Variants in AMBRA1 observed in about 807,000 individuals in gnomAD.
AMBRA1 encodes activating molecule in BECN1-regulated autophagy protein 1.
AMBRA1 carries 47 observed loss-of-function variants against 125.4 expected under a neutral mutation model. The ratio of observed to expected loss-of-function variants is 0.37; its 90% CI spans 0.30 to 0.48. The LOEUF (loss-of-function observed/expected upper bound fraction) is 0.48. Among genes scored for constraint, AMBRA1 ranks in the 20% least tolerant of loss-of-function variants. The pLI is 0.99. For missense variants in AMBRA1, 1,331 were observed against 1,693.4 expected (o/e 0.79, Z 3.76); for synonymous variants, 626 against 655.5 (o/e 0.95, Z 0.69).
intron 11 of AMBRA1, among the ~76,000 whole-genome samples, chr11:46,454,614 G>C (rs1403888689): frequency 4.0e-5 from 6 of 150,922 alleles, no homozygotes; most frequent in Non-Finnish European, 3.0e-5. Context: ...CTCCGGGCGA[G>C]GTGGCGGGCG....
At chr11:46,562,866 T>C (rs1424242704) in intron 1 of AMBRA1, among the ~76,000 whole-genome samples, 1 of 151,900 alleles carries the variant, frequency 6.6e-6, no homozygotes, top group East Asian at 1.9e-4. Flanking sequence ...AATGGCATGA[T>C]CTCGACTCAC....
chr11:46,482,182 T>C (rs1007610734), intron 11 of AMBRA1, among the ~76,000 whole-genome samples: 3 of 152,218 alleles, frequency 2.0e-5, no homozygotes, highest in Non-Finnish European at 2.9e-5. Flanking sequence ...TACTACTTCA[T>C]GGCCAAATCT....
At chr11:46,404,066 C>T (rs550562764) in intron 17 of AMBRA1, among the ~76,000 whole-genome samples, 48 of 152,174 alleles carry the variant, frequency 3.2e-4, no homozygotes, top group African/African-American at 1.0e-3. Context: ...ATTAGCCAGG[C>T]GTGGTGGCGT....
intron 11 of AMBRA1, among the ~76,000 whole-genome samples, chr11:46,492,226 A>C (rs527541241): frequency 6.6e-6 from 1 of 152,192 alleles, no homozygotes; most frequent in Non-Finnish European, 1.5e-5. Flanking sequence ...GAGCCTATGA[A>C]GTCCTGGTGT....
chr11:46,433,509 G>T lies in AMBRA1; in HGVS notation c.2941C>A (p.Leu981Met). 6.2e-7 allele frequency: 1 copy of T among 1,614,200 alleles called. No homozygotes were observed. Among genetic ancestry groups the T allele is most frequent in the Non-Finnish European group, 8.5e-7 (1 of 1,180,012 alleles). ...TEHMVAQVFRLQQAHGGETSM... is the reference protein window; with the variant it reads ...TEHMVAQVFRMQQAHGGETSM... ...GTCTCTCCACCATGGGCCTGTTGCA[G>T]CCTGAAGACCTGGGCCACCATGTGC... is the stretch of plus-strand genomic sequence containing the variant. The change falls in exon 14 of 18, where the codon CTG (leucine) becomes ATG (methionine). Residue 981 changes from leucine to methionine, a missense_variant. This residue lies in a region of AMBRA1 where 354 missense variants were observed against 532.7 expected (regional missense o/e 0.66). Coordinates refer to ENST00000683756, the MANE Select transcript of AMBRA1 (RefSeq NM_001387011.1).
At chr11:46,399,114 GC>G (rs941629535) in intron 17 of AMBRA1, among the ~76,000 whole-genome samples, 1 of 150,770 alleles carries the variant, frequency 6.6e-6, no homozygotes, top group African/African-American at 2.4e-5. Context: ...TGTTCTAGTC[GC>G]CCAGGCTGGA....
chr11:46,489,513 A>G (rs1283839665), intron 11 of AMBRA1, among the ~76,000 whole-genome samples: 1 of 152,214 alleles, frequency 6.6e-6, no homozygotes, highest in East Asian at 1.9e-4. Context: ...CTGGGCACAA[A>G]GCCATCTCTT....
intron 11 of AMBRA1, among the ~76,000 whole-genome samples, chr11:46,447,490 G>A (rs924755388): frequency 6.6e-5 from 10 of 152,022 alleles, no homozygotes; most frequent in Admixed American, 4.6e-4. Flanking sequence ...AGATGAGATC[G>A]CACCACCACA....
chr11:46,481,620 C>T (rs1950074317), intron 11 of AMBRA1, among the ~76,000 whole-genome samples: 2 of 152,180 alleles, frequency 1.3e-5, no homozygotes. Context: ...GCCTCGGCCT[C>T]CCAAAGTGCT....
chr11:46,433,640 C>A lies in AMBRA1; in HGVS notation c.2822-12G>T. On this transcript the variant is annotated splice_polypyrimidine_tract_variant and intron_variant, in intron 13 of 17. Coordinates refer to ENST00000683756, the MANE Select transcript of AMBRA1 (RefSeq NM_001387011.1). ...AATGGCATTGGGACCTGAGGGCCAACAAAACAGAGAAATATTTCCTAGGCT... is the reference window on the plus strand; with the variant it reads ...AATGGCATTGGGACCTGAGGGCCAAAAAAACAGAGAAATATTTCCTAGGCT... 22 of 1,609,046 alleles carry A rather than the reference C, an allele frequency of 1.4e-5. No homozygotes were observed. The highest frequency in any genetic ancestry group is 1.9e-5 in the Non-Finnish European group (22 of 1,176,050).
chr11:46,522,151 A>T (rs2135097170), intron 7 of AMBRA1, among the ~76,000 whole-genome samples: 1 of 152,350 alleles, frequency 6.6e-6, no homozygotes, highest in Admixed American at 6.5e-5. Flanking sequence ...GTCTCGTCTG[A>T]GAAGTCAGCC....
intron 7 of AMBRA1, among the ~76,000 whole-genome samples, chr11:46,529,199 T>G (rs1033912564): frequency 6.6e-6 from 1 of 152,176 alleles, no homozygotes; most frequent in Admixed American, 6.5e-5. Context: ...CATAGTCCAT[T>G]TACATAGTCC....
At chr11:46,423,757 ATTTTTTTTT>A (rs538298573) in intron 14 of AMBRA1, among the ~76,000 whole-genome samples, 24 of 98,880 alleles carry the variant, frequency 2.4e-4, no homozygotes, top group Admixed American at 4.2e-4. Context: ...CAGTGCACCC[ATTTTTTTTT>A]TTTTTTTTTT....
At chr11:46,447,726 AG>A (rs1948368765) in intron 11 of AMBRA1, among the ~76,000 whole-genome samples, 1 of 78,298 alleles carries the variant, frequency 1.3e-5, no homozygotes, top group Admixed American at 1.7e-4. Context: ...ATAGATAGAT[AG>A]ATAGATAGAT....
At chr11:46,483,523 C>T (rs1416471481) in intron 11 of AMBRA1, among the ~76,000 whole-genome samples, 2 of 152,168 alleles carry the variant, frequency 1.3e-5, no homozygotes, top group Non-Finnish European at 2.9e-5. Context: ...ATGGCATTTC[C>T]AGCCAGGTTG....
intron 14 of AMBRA1, among the ~76,000 whole-genome samples, chr11:46,423,632 C>G (rs1946962657): frequency 6.6e-6 from 1 of 152,068 alleles, no homozygotes; most frequent in South Asian, 2.1e-4. Context: ...ACCTTGTGAT[C>G]TGCCTGCCTC....
chr11:46,485,606 C>T (rs1468635410), intron 11 of AMBRA1, among the ~76,000 whole-genome samples: 4 of 152,160 alleles, frequency 2.6e-5, no homozygotes, highest in Non-Finnish European at 1.5e-5. Flanking sequence ...TTGTAATACC[C>T]AAAGTGTTCT....
intron 7 of AMBRA1, among the ~76,000 whole-genome samples, chr11:46,531,765 T>C (rs986124457): frequency 6.6e-6 from 1 of 151,488 alleles, no homozygotes; most frequent in Admixed American, 6.6e-5. Flanking sequence ...CATTCCCATA[T>C]TGCCAAAGAG....
chr11:46,583,652 C>CAAAAAAAAAAAAAAAA lies in AMBRA1; in HGVS notation c.-121+10160_-121+10175dup, dbSNP rs1398623719. ...TCTACAATGAACTCAAACAAATTTC[C>CAAAAAAAAAAAAAAAA]AAAAAAAAAAAAAAAAAAAAAAAAA... On this transcript the variant is annotated intron_variant, in intron 1 of 17. Transcript: ENST00000683756. 7.2e-4 allele frequency among the ~76,000 whole-genome samples: 9 copies of CAAAAAAAAAAAAAAAA among 12,558 alleles called. 1 individual carries two copies. Among genetic ancestry groups the CAAAAAAAAAAAAAAAA allele is most frequent in the Admixed American group, 1.1e-3 (1 of 936 alleles). 8.2% of individuals were successfully genotyped at this position (12,558 alleles called of 152,430 possible).
Sources: allele counts gnomAD v4.1 joint callset (sites outside exome capture counted in the v4.1 genomes callset), GRCh38; gene constraint gnomAD v4.1.1; regional missense constraint gnomAD v4.1.1; transcripts MANE v1.5; gene names NCBI Gene and HGNC (gene_info 2026-07-23, HGNC 2026-07-21).